Variants in OARD1 observed in about 807,000 individuals in gnomAD.
OARD1 encodes O-acyl-ADP-ribose deacylase 1.
In OARD1, 19 loss-of-function variants were observed where a neutral mutation model predicts 19.7. That is an observed-to-expected ratio of 0.96 (90% CI 0.67 to 1.41). OARD1 has a LOEUF of 1.41. Among genes scored for constraint, OARD1 ranks in the 40% most tolerant of loss-of-function variants. The probability of loss-of-function intolerance (pLI) is 0.00; values close to 1 mark genes in which losing one functional copy is unlikely to be tolerated. For missense variants in OARD1, 190 were observed against 183.8 expected (o/e 1.03, Z -0.20); for synonymous variants, 70 against 61.8 (o/e 1.13, Z -0.62).
upstream of OARD1, among the ~76,000 whole-genome samples, chr6:41,077,578 G>A (rs1309970126): frequency 6.6e-6 from 1 of 152,190 alleles, no homozygotes; most frequent in East Asian, 1.9e-4. Context: ...ATTTAGGGAA[G>A]CCTGTTAGTG....
chr6:41,089,071 C>T (rs1309951802), intron 1 of OARD1, among the ~76,000 whole-genome samples: 3 of 152,124 alleles, frequency 2.0e-5, no homozygotes, highest in African/African-American at 4.8e-5. Flanking sequence ...CTGCAACCTC[C>T]GCCTCCGGTT....
chr6:41,090,838 G>A (rs1184926697), intron 1 of OARD1, among the ~76,000 whole-genome samples: 1 of 152,226 alleles, frequency 6.6e-6, no homozygotes, highest in Non-Finnish European at 1.5e-5. Context: ...TTTGGTCTGG[G>A]AGGAGGAGTG....
At chr6:41,094,176 AT>A (rs1561856629) in intron 1 of OARD1, among the ~76,000 whole-genome samples, 3 of 152,206 alleles carry the variant, frequency 2.0e-5, no homozygotes, top group Admixed American at 1.3e-4. Context: ...AAAAAAATTC[AT>A]ACTATAAGCA....
At chr6:41,091,029 C>A (rs1764185738) in intron 1 of OARD1, among the ~76,000 whole-genome samples, 1 of 152,220 alleles carries the variant, frequency 6.6e-6, no homozygotes, top group Admixed American at 6.5e-5. Flanking sequence ...GGATTGAGCC[C>A]AGGCAAGAGC....
At chr6:41,097,656 T>C in intron 1 of OARD1, 1 of 434,420 alleles carries the variant, frequency 2.3e-6, no homozygotes, top group South Asian at 2.9e-5. Flanking sequence ...TGACATTTCA[T>C]GGATTCGGAT....
intron 1 of OARD1, among the ~76,000 whole-genome samples, chr6:41,082,199 C>T (rs1763929839): frequency 6.6e-6 from 1 of 152,194 alleles, no homozygotes; most frequent in African/African-American, 2.4e-5. Context: ...ACCCCTGCCA[C>T]CAATAGTGTT....
chr6:41,068,249 G>A (rs959856447), intron 5 of OARD1, among the ~76,000 whole-genome samples: 2 of 152,184 alleles, frequency 1.3e-5, no homozygotes, highest in African/African-American at 4.8e-5. Context: ...AGGAAGAAAA[G>A]AGGTGAGGCC....
At chr6:41,085,540 A>G (rs1201730298) in intron 1 of OARD1, among the ~76,000 whole-genome samples, 1 of 152,150 alleles carries the variant, frequency 6.6e-6, no homozygotes, top group Non-Finnish European at 1.5e-5. Context: ...AGAGTATGAG[A>G]TAACTATTAG....
Position 41,065,566 on chromosome 6 carries a change from C to G in OARD1, c.*1769G>C, listed in dbSNP as rs559718352. ...CCCTTCAACTTTATGTGGACAAAAG[C>G]AATGCTTCAAGAAAAGCCTCAATCT... On this transcript the variant is annotated 3_prime_UTR_variant, in exon 6 of 6. Transcript: ENST00000424266. The G allele has an allele frequency of 6.6e-6, 1 of 152,270 alleles. No individual in the cohort carries two copies. Among genetic ancestry groups the G allele is most frequent in the African/African-American group, 2.4e-5 (1 of 41,548 alleles). 9.4% of individuals were successfully genotyped at this position (152,270 alleles called of 1,614,324 possible).
At chr6:41,093,368 A>G (rs544397229) in intron 1 of OARD1, among the ~76,000 whole-genome samples, 1 of 152,330 alleles carries the variant, frequency 6.6e-6, no homozygotes, top group Admixed American at 6.5e-5. Context: ...ACAGTTCTCA[A>G]GACCTGTTTC....
At chr6:41,095,628 A>G (rs56019985) in intron 1 of OARD1, among the ~76,000 whole-genome samples, 3 of 152,232 alleles carry the variant, frequency 2.0e-5, no homozygotes, top group Non-Finnish European at 4.4e-5. Context: ...ATGGAGTCTC[A>G]CTTTGTTGCC....
chr6:41,096,836 T>C (rs1178107523), intron 1 of OARD1, among the ~76,000 whole-genome samples: 1 of 152,242 alleles, frequency 6.6e-6, no homozygotes, highest in African/African-American at 2.4e-5. Flanking sequence ...GCTGGACTCC[T>C]AACTTTCTGA....
At chr6:41,072,373 G>A (rs1233423683), upstream of OARD1, 2 of 152,386 alleles carry the variant, frequency 1.3e-5, no homozygotes, top group African/African-American at 2.4e-5. Flanking sequence ...CCCGCCCCGC[G>A]GGGAAGGGCT....
At position 41,069,833 on chromosome 6, in the gene OARD1, A is replaced by C. The variant is rs561270532; in HGVS notation, c.243+243T>G. On this transcript the variant is annotated intron_variant, in intron 4 of 5. Transcript: ENST00000424266. Reference sequence around the variant, plus strand: ...GCAAGTCTTAGAACAGGCCTATGGTACATGATACACGACTTTCCCACAGAG... The same window carrying C: ...GCAAGTCTTAGAACAGGCCTATGGTCCATGATACACGACTTTCCCACAGAG... 194 of 562,478 alleles carry C rather than the reference A, an allele frequency of 3.4e-4. 1 individual carries two copies. Among genetic ancestry groups the C allele is most frequent in the African/African-American group, 3.4e-3 (179 of 52,558 alleles). 34.8% of individuals were successfully genotyped at this position (562,478 alleles called of 1,614,324 possible).
rs1202265252 is a variant in OARD1 at position 41,090,540 on chromosome 6, T to A, written c.-42+7173A>T. Among the ~76,000 whole-genome samples, 2 of 152,208 alleles carry A rather than the reference T, an allele frequency of 1.3e-5. 1 individual carries two copies. Among genetic ancestry groups the A allele is most frequent in the Non-Finnish European group, 2.9e-5 (2 of 68,032 alleles). ...ATAGTGGTTGCTAATCTAGGGATTG[T>A]GTAAGCTTTTAGGGAAGAAGTGTTT... On this transcript the variant is annotated intron_variant, in intron 1 of 4. Transcript: ENST00000480585.
upstream of OARD1, among the ~76,000 whole-genome samples, chr6:41,073,910 G>A (rs940335001): frequency 4.0e-5 from 6 of 151,706 alleles, no homozygotes; most frequent in East Asian, 9.6e-4. Context: ...CCGTCTTGGA[G>A]CCCAACCAAG....
At chr6:41,081,022 A>G in intron 1 of OARD1, 1 of 692,250 alleles carries the variant, frequency 1.4e-6, no homozygotes, top group Non-Finnish European at 2.5e-6. Context: ...GATGCTGCTA[A>G]CTTGTCTTTG....
rs1348441575 is a variant in OARD1, at chr6:41,064,974, C to T, written c.*2361G>A. The stretch of plus-strand genomic sequence containing the variant: ...AAGCAAAAATTCACAGGTGAATTTC[C>T]GGGTGTTTGCCAAACTCTAACTAGG... On this transcript the variant is annotated 3_prime_UTR_variant, in exon 6 of 6. Coordinates refer to ENST00000424266, the MANE Select transcript of OARD1 (RefSeq NM_001329686.2). The T allele has an allele frequency of 2.6e-5, 4 of 151,170 alleles. No homozygotes were observed. The highest frequency in any genetic ancestry group is 4.9e-5 in the African/African-American group (2 of 41,028). 9.4% of individuals were successfully genotyped at this position (151,170 alleles called of 1,614,324 possible).
At chr6:41,097,224 T>C (rs899317589) in intron 1 of OARD1, 3 of 763,960 alleles carry the variant, frequency 3.9e-6, no homozygotes, top group Middle Eastern at 3.0e-4. Context: ...GTATGCAGAC[T>C]TAAGATGTAT....
Sources: allele counts gnomAD v4.1 joint callset (sites outside exome capture counted in the v4.1 genomes callset), GRCh38; gene constraint gnomAD v4.1.1; transcripts MANE v1.5; gene names NCBI Gene and HGNC (gene_info 2026-07-23, HGNC 2026-07-21).